The following COBL variants were observed in gnomAD, a reference collection of about 807,000 sequenced individuals.
The protein encoded by COBL is protein cordon-bleu.
Under a neutral mutation model 98.8 loss-of-function variants are expected in COBL, and 51 were observed. The observed-to-expected ratio is 0.52, with a 90% CI of 0.41 to 0.65. The LOEUF (loss-of-function observed/expected upper bound fraction) is 0.65, where lower values mean the gene tolerates loss of function less well. Ranked by LOEUF, COBL falls within the 30% of genes least tolerant of loss-of-function variation. COBL has a pLI of 0.00. For synonymous variants in COBL, 634 were observed against 651.7 expected, an observed-to-expected ratio of 0.97 and a Z score of 0.41; for missense variants, 1,617 against 1,617.5, an observed-to-expected ratio of 1.00 and a Z score of 0.01.
At chr7:51,134,974 A>G (rs1009084763) in intron 6 of COBL, among the ~76,000 whole-genome samples, 8 of 150,312 alleles carry the variant, frequency 5.3e-5, no homozygotes, top group Non-Finnish European at 8.9e-5. Context: ...TTTATTTTTT[A>G]TTTTTGAGAC....
At chr7:51,096,303 G>C (rs1795267482) in intron 6 of COBL, among the ~76,000 whole-genome samples, 1 of 152,064 alleles carries the variant, frequency 6.6e-6, no homozygotes, top group Admixed American at 6.5e-5. Flanking sequence ...AGGGTAGTCA[G>C]AAAATATATT....
chr7:51,040,696 C>A (rs146622762), intron 8 of COBL, among the ~76,000 whole-genome samples: 1 of 152,064 alleles, frequency 6.6e-6, no homozygotes, highest in African/African-American at 2.4e-5. Flanking sequence ...ATCAGGTTCC[C>A]GAACTCCCTC....
In COBL at chr7:51,193,394, G is replaced by C; in HGVS notation, c.441C>G (p.Pro147=). ...ACCTACTAACCTCAGGCACCTTAGG[G>C]GGACCAGGCTTAACCTTCTCTTCAG... ...KVPEEKVKPG[P]PKVPEKSVRL... is the part of the protein sequence containing the mutation. Residue 147 remains proline (P), a synonymous_variant, in exon 3 of 13, where the codon CCC becomes CCG. Coordinates refer to ENST00000265136, the MANE Select transcript of COBL (RefSeq NM_015198.5). The C allele has an allele frequency of 6.2e-7, 1 of 1,614,162 alleles. No homozygotes were observed. Among genetic ancestry groups the C allele is most frequent in the South Asian group, 1.1e-5 (1 of 91,078 alleles).
intron 3 of COBL, among the ~76,000 whole-genome samples, chr7:51,192,378 T>G (rs780560989): frequency 6.6e-6 from 1 of 152,072 alleles, no homozygotes; most frequent in Non-Finnish European, 1.5e-5. Context: ...GAGGCTGAGG[T>G]GGGTGGATCA....
intron 7 of COBL, chr7:51,083,149 CG>C: frequency 8.7e-6 from 3 of 345,480 alleles, no homozygotes; most frequent in East Asian, 1.1e-4. Flanking sequence ...GAGGGTAGGG[CG>C]GGGGTGGGGG....
intron 7 of COBL, among the ~76,000 whole-genome samples, chr7:51,045,985 G>C (rs904977081): frequency 6.6e-6 from 1 of 152,170 alleles, no homozygotes; most frequent in African/African-American, 2.4e-5. Flanking sequence ...TCTCCATGTG[G>C]ATAATCTTCC....
intron 7 of COBL, chr7:51,083,144 T>TGGGGGGGGGGGG (rs1463096301): frequency 2.1e-6 from 3 of 1,395,916 alleles, no homozygotes; most frequent in Non-Finnish European, 2.8e-6. Context: ...GGGAGGAGGG[T>TGGGGGGGGGGGG]AGGGCGGGGG....
intron 1 of COBL, among the ~76,000 whole-genome samples, chr7:51,268,985 T>TGGAGCA (rs1350559762): frequency 6.7e-6 from 1 of 149,068 alleles, no homozygotes; most frequent in African/African-American, 2.5e-5. Context: ...CAGCTGGAGC[T>TGGAGCA]GGAGCAGTTG....
intron 1 of COBL, among the ~76,000 whole-genome samples, chr7:51,247,092 G>A (rs150511826): frequency 2.6e-5 from 4 of 152,308 alleles, no homozygotes; most frequent in Non-Finnish European, 4.4e-5. Flanking sequence ...TGTGGTGACC[G>A]TGCACCCTTC....
intron 1 of COBL, among the ~76,000 whole-genome samples, chr7:51,277,590 A>G (rs1473509182): frequency 6.6e-6 from 1 of 152,180 alleles, no homozygotes; most frequent in Non-Finnish European, 1.5e-5. Flanking sequence ...GGGCTAATTC[A>G]TGGTGTGTAT....
chr7:51,132,712 G>A lies in COBL; in HGVS notation c.957+3446C>T, dbSNP rs148069179. ...GGCTCATGGTTCCATAGACTGTACG[G>A]GAAGCAGATGCCAGCATCTGCTCAC... On this transcript the variant is annotated intron_variant, in intron 6 of 12. Transcript: ENST00000265136. 3.9e-3 allele frequency among the ~76,000 whole-genome samples: 587 copies of A among 152,290 alleles called. 1 individual carries two copies. Among genetic ancestry groups the A allele is most frequent in the African/African-American group, 0.014 (564 of 41,548 alleles).
Position 51,028,632 on chromosome 7 carries a change from G to A in COBL, c.2464C>T (p.His822Tyr). The change falls in exon 10 of 13, where the codon CAC (histidine) becomes TAC (tyrosine). Residue 822 changes from histidine to tyrosine, a missense_variant. By Grantham distance (83) the His-to-Tyr change is moderately conservative. This residue lies in a region of COBL where 1,304 missense variants were observed against 1,282.0 expected (regional missense o/e 1.02). Transcript: ENST00000265136. The part of the protein sequence containing the change: ...KPISPQQKSA[H>Y]HEGRNPLGEG... ...CCTAGGGGGTTCCGGCCCTCATGGT[G>A]GGCAGACTTCTGCTGGGGCGATATT... 1.9e-6 allele frequency: 3 copies of A among 1,613,470 alleles called. No homozygotes were observed. The highest frequency in any genetic ancestry group is 2.5e-6 in the Non-Finnish European group (3 of 1,179,650).
At chr7:51,137,916 A>T (rs1362118939) in intron 5 of COBL, among the ~76,000 whole-genome samples, 1 of 152,212 alleles carries the variant, frequency 6.6e-6, no homozygotes, top group East Asian at 1.9e-4. Flanking sequence ...ATGAAGATAT[A>T]AAGGAAATCC....
rs767038995 is a variant in COBL at position 51,172,521 on chromosome 7, G to A, written c.783+11581C>T. 49 of 1,287,908 alleles carry A rather than the reference G, an allele frequency of 3.8e-5. 1 individual carries two copies. The Middle Eastern group carries it at 6.4e-4, about 17-fold the overall frequency. The allele number at this position is 1,287,908 out of a possible 1,614,324, so 79.8% of individuals were successfully genotyped here. A position where few individuals can be genotyped will look rare whatever the true frequency, so the allele number is the denominator to read the frequency against. ...TCGCTGTCTGCACCCGACAGCACGAGCTGCTCAGCCTGGAACACAAGCACC... is the reference window on the plus strand; with the variant it reads ...TCGCTGTCTGCACCCGACAGCACGAACTGCTCAGCCTGGAACACAAGCACC... On this transcript the variant is annotated intron_variant, in intron 5 of 12. Coordinates refer to ENST00000265136, the MANE Select transcript of COBL (RefSeq NM_015198.5).
chr7:51,198,844 T>C (rs576768090), intron 2 of COBL, among the ~76,000 whole-genome samples: 1 of 152,200 alleles, frequency 6.6e-6, no homozygotes, highest in African/African-American at 2.4e-5. Flanking sequence ...GCACAGAAGT[T>C]CCTTTGTAAG....
At chr7:51,022,626 A>G (rs536471922) in intron 12 of COBL, 1 of 152,282 alleles carries the variant, frequency 6.6e-6, no homozygotes, top group African/African-American at 2.4e-5. Context: ...AGAAGCCAAA[A>G]GTCCCAATGT....
rs138444676 is a variant in COBL, at chr7:51,270,246, G to A, written c.41+46347C>T. Among the ~76,000 whole-genome samples, 84 of 152,244 alleles carry A rather than the reference G, an allele frequency of 5.5e-4. 1 individual carries two copies. In the East Asian group the frequency reaches 0.014, roughly 26 times the overall value. On this transcript the variant is annotated intron_variant, in intron 1 of 12. Transcript: ENST00000265136. Reference sequence around the variant, plus strand: ...TTACCCTAGAAAGATTTCTTTATACGGCCCAAATATAGCAAAACTCAGAGC... The same window carrying A: ...TTACCCTAGAAAGATTTCTTTATACAGCCCAAATATAGCAAAACTCAGAGC...
At chr7:51,247,276 C>T (rs1796344128) in intron 1 of COBL, among the ~76,000 whole-genome samples, 1 of 152,160 alleles carries the variant, frequency 6.6e-6, no homozygotes, top group South Asian at 2.1e-4. Flanking sequence ...CTTTCGGGGC[C>T]ACTCTGCTTT....
At chr7:51,151,332 G>A (rs1785535517) in intron 5 of COBL, among the ~76,000 whole-genome samples, 1 of 152,134 alleles carries the variant, frequency 6.6e-6, no homozygotes, top group Admixed American at 6.5e-5. Flanking sequence ...CCTGCGGCCT[G>A]GAAGTATGTT....
Sources: allele counts gnomAD v4.1 joint callset (sites outside exome capture counted in the v4.1 genomes callset), GRCh38; gene constraint gnomAD v4.1.1; regional missense constraint gnomAD v4.1.1; transcripts MANE v1.5; gene names NCBI Gene and HGNC (gene_info 2026-07-23, HGNC 2026-07-21).